Variants in UACA observed in about 807,000 individuals in gnomAD.
UACA encodes uveal autoantigen with coiled-coil domains and ankyrin repeats.
A neutral mutation model predicts 160.5 loss-of-function variants in UACA; 112 were observed. The ratio of observed to expected loss-of-function variants is 0.70; its 90% CI spans 0.60 to 0.82. UACA has a LOEUF of 0.82. Among genes scored for constraint, UACA ranks in the 40% least tolerant of loss-of-function variants. The probability of loss-of-function intolerance (pLI) is 0.00; values close to 1 mark genes in which losing one functional copy is unlikely to be tolerated. For missense variants in UACA, 1,574 were observed against 1,614.6 expected (o/e 0.97, Z 0.43); for synonymous variants, 557 against 568.4 (o/e 0.98, Z 0.29).
At chr15:70,721,450 C>A (rs972699397) in intron 1 of UACA, among the ~76,000 whole-genome samples, 18 of 151,968 alleles carry the variant, frequency 1.2e-4, no homozygotes, top group Non-Finnish European at 2.1e-4. Context: ...ACGGTGAAAC[C>A]CCGTCTCTAC....
chr15:70,741,275 T>C lies in UACA; in HGVS notation c.78+22055A>G, dbSNP rs1320427374. Among the ~76,000 whole-genome samples, 4 of 152,322 alleles carry C rather than the reference T, an allele frequency of 2.6e-5. No individual in the cohort carries two copies. In the East Asian group the frequency reaches 7.7e-4, roughly 29 times the overall value. On this transcript the variant is annotated intron_variant, in intron 1 of 18. Transcript: ENST00000322954. ...TTCTGCACTCCCAAGGTCTGTCCTG[T>C]ACTAAGCCTCAGCACTTACATCTTA...
intron 1 of UACA, among the ~76,000 whole-genome samples, chr15:70,741,364 CAG>C (rs1189891320): frequency 1.3e-5 from 2 of 152,166 alleles, no homozygotes; most frequent in Non-Finnish European, 2.9e-5. Flanking sequence ...CTGGATCAAA[CAG>C]GGATCTGGGG....
intron 3 of UACA, 97 bp from the exon 4 acceptor site, chr15:70,691,460 G>T: frequency 2.4e-6 from 2 of 829,296 alleles, no homozygotes; most frequent in South Asian, 1.8e-5. Flanking sequence ...AAAACTAGTT[G>T]ACAACATACT....
intron 17 of UACA, 54 bp from the exon 18 acceptor site, chr15:70,660,270 C>T: frequency 6.8e-7 from 1 of 1,465,174 alleles, no homozygotes; most frequent in Non-Finnish European, 9.5e-7. Context: ...CATTTCCAAA[C>T]TTTGGACAAT....
chr15:70,772,470 G>C, the UACA span, among the ~76,000 whole-genome samples: 11 of 143,926 alleles, frequency 7.6e-5, no homozygotes, highest in African/African-American at 2.9e-4. Flanking sequence ...TCCAGCCTGG[G>C]CGACAGAGGG....
chr15:70,687,197 T>C (rs532556156), intron 7 of UACA, among the ~76,000 whole-genome samples: 1 of 152,370 alleles, frequency 6.6e-6, no homozygotes, highest in African/African-American at 2.4e-5. Flanking sequence ...ATTCTTCTCC[T>C]ATGTATCTTA....
intron 8 of UACA, among the ~76,000 whole-genome samples, chr15:70,683,350 C>CCCCAT (rs1439148732): frequency 6.6e-6 from 1 of 151,808 alleles, no homozygotes; most frequent in African/African-American, 2.4e-5. Flanking sequence ...CAAAGGGAGA[C>CCCCAT]CCCATATCTA....
intron 1 of UACA, among the ~76,000 whole-genome samples, chr15:70,728,809 AT>A (rs149762895): frequency 0.038 from 5,797 of 152,240 alleles, 161 homozygotes; most frequent in South Asian, 0.13. Context: ...AAGGTTTAAT[AT>A]ACTAAATCTA....
At chr15:70,775,007 C>T in the UACA span, among the ~76,000 whole-genome samples, 1 of 151,878 alleles carries the variant, frequency 6.6e-6, no homozygotes, top group Non-Finnish European at 1.5e-5. Context: ...TGCAGTGAGC[C>T]GAGATCACGC....
At chr15:70,748,752 A>G (rs565401543) in intron 1 of UACA, among the ~76,000 whole-genome samples, 3 of 152,278 alleles carry the variant, frequency 2.0e-5, no homozygotes, top group Non-Finnish European at 2.9e-5. Context: ...TCCTGCATAC[A>G]GTTTCCTTTC....
chr15:70,766,445 CT>C (rs149241709), upstream of UACA, among the ~76,000 whole-genome samples: 28,330 of 149,240 alleles, frequency 0.19, 4,046 homozygotes, highest in African/African-American at 0.41. Context: ...TGTTTTACTT[CT>C]TTTTTTTTTC....
chr15:70,713,334 C>G lies in UACA; in HGVS notation c.79-13674G>C, dbSNP rs570075247. On this transcript the variant is annotated intron_variant, in intron 1 of 18. Transcript: ENST00000322954. ...CTGCACTCCAGCCTGGGCGACAGAG[C>G]GAGAAAGAATAGGGAAGGAGATGTG... Among the ~76,000 whole-genome samples the G allele has an allele frequency of 7.9e-5, 12 of 152,106 alleles. No homozygotes were observed. The South Asian group carries it at 2.3e-3, about 29-fold the overall frequency.
rs1226035123 is a variant in UACA at position 70,669,013 on chromosome 15, T to C, written c.1671A>G (p.Ser557=). Residue 557 remains serine, a synonymous_variant, in exon 16 of 19, where the codon TCA becomes TCG. Coordinates refer to ENST00000322954, the MANE Select transcript of UACA (RefSeq NM_018003.4). ...KDLKVKYEGA[S]AEVGKLRNQI... ...GGTTTCTTAATTTCCCCACTTCTGC[T>C]GAAGCACCTTCATATTTTACTTTCA... The C allele has an allele frequency of 4.3e-6, 7 of 1,613,894 alleles. No individual in the cohort carries two copies. The highest frequency in any genetic ancestry group is 5.1e-6 in the Non-Finnish European group (6 of 1,180,030).
intron 17 of UACA, among the ~76,000 whole-genome samples, chr15:70,664,403 A>C (rs1207358562): frequency 2.0e-5 from 3 of 152,142 alleles, no homozygotes; most frequent in Non-Finnish European, 4.4e-5. Flanking sequence ...GAGGGAATAA[A>C]TCTGCTTTGT....
chr15:70,668,873 TTC>T lies in UACA; in HGVS notation c.1809_1810del (p.Lys604GlufsTer26). 6.2e-7 allele frequency: 1 copy of T among 1,613,838 alleles called. No homozygotes were observed. Among genetic ancestry groups the T allele is most frequent in the East Asian group, 2.2e-5 (1 of 44,888 alleles). On this transcript the variant is annotated frameshift_variant, in exon 16 of 19. Transcript: ENST00000322954. LOFTEE classifies it high-confidence loss of function. ...CATCTCTGTGACCTTTCTTCCTTTC[TTC>T]TCTCGCTCCATTTCACACATACTAA...
At position 70,728,679 on chromosome 15, in the gene UACA, G is replaced by A. The variant is rs556386195; in HGVS notation, c.79-29019C>T. On this transcript the variant is annotated intron_variant, in intron 1 of 18. Transcript: ENST00000322954. The stretch of plus-strand genomic sequence containing the variant: ...CCTCAAAGGCAACTGCAAAGAAAGC[G>A]AAAATTGAAAAGTGGGACCTAATTA... 5.3e-5 allele frequency among the ~76,000 whole-genome samples: 8 copies of A among 151,488 alleles called. No homozygotes were observed. The East Asian group carries it at 7.7e-4, about 15-fold the overall frequency.
chr15:70,670,972 CTCTT>C, intron 15 of UACA, 63 bp downstream of exon 15: 1 of 1,007,414 alleles, frequency 9.9e-7, no homozygotes, highest in Non-Finnish European at 1.4e-6. Context: ...GCTTTCTCCT[CTCTT>C]TATAAAGGCA....
At chr15:70,673,796 T>C (rs577624675) in intron 13 of UACA, among the ~76,000 whole-genome samples, 9 of 152,324 alleles carry the variant, frequency 5.9e-5, no homozygotes, top group African/African-American at 1.4e-4. Context: ...TTTTTAAGCA[T>C]GTGAGATAAT....
intron 7 of UACA, among the ~76,000 whole-genome samples, chr15:70,686,558 T>C (rs1221383218): frequency 1.3e-5 from 2 of 150,808 alleles, no homozygotes; most frequent in African/African-American, 2.4e-5. Flanking sequence ...TAGTTACATA[T>C]GTATACATGC....
Sources: allele counts gnomAD v4.1 joint callset (sites outside exome capture counted in the v4.1 genomes callset), GRCh38; gene constraint gnomAD v4.1.1; transcripts MANE v1.5; gene names NCBI Gene and HGNC (gene_info 2026-07-23, HGNC 2026-07-21).